The following ADGRA1 variants were observed in gnomAD, a reference collection of about 807,000 sequenced individuals.
ADGRA1 encodes G-protein coupled receptor 123.
Under a neutral mutation model 21.3 loss-of-function variants are expected in ADGRA1, and 12 were observed. The observed-to-expected ratio is 0.56, with a 90% CI of 0.36 to 0.91. The LOEUF (loss-of-function observed/expected upper bound fraction) is 0.91, where lower values mean the gene tolerates loss of function less well. Among genes scored for constraint, ADGRA1 ranks in the 40% least tolerant of loss-of-function variants. ADGRA1 has a pLI of 0.01. For synonymous variants in ADGRA1, 385 were observed against 368.8 expected, an observed-to-expected ratio of 1.04 and a Z score of -0.50; for missense variants, 790 against 805.6, an observed-to-expected ratio of 0.98 and a Z score of 0.23.
intron 5 of ADGRA1, among the ~76,000 whole-genome samples, chr10:133,119,241 A>G (rs1186002901): frequency 5.3e-5 from 7 of 131,290 alleles, no homozygotes; most frequent in Non-Finnish European, 9.6e-5. Context: ...CGGACCTTAC[A>G]GCCACTGGTC....
chr10:133,112,589 TGTCGGTTATTTGGAGTCTACGGGCTAC>T (rs1852066341), intron 5 of ADGRA1, among the ~76,000 whole-genome samples: 2 of 114,120 alleles, frequency 1.8e-5, no homozygotes, highest in South Asian at 3.3e-4. Context: ...CTGCGGGCCG[TGTCGGTTATTTGGAGTCTACGGGCTAC>T]GTCGGTTATT....
rs767797597 is a variant in ADGRA1, at chr10:133,128,701, C to T, written c.873C>T (p.Tyr291=). The change falls in exon 7 of 7, where the codon TAC becomes TAT. Residue 291 remains tyrosine, a synonymous_variant. Coordinates refer to ENST00000392607, the MANE Select transcript of ADGRA1 (RefSeq NM_001083909.3). Reference sequence around the variant, plus strand: ...TGGACATGGTCTTCAGCTGCCTGTACGGCGCCTTCTGCGTGACCCTGGGAC... The same window carrying T: ...TGGACATGGTCTTCAGCTGCCTGTATGGCGCCTTCTGCGTGACCCTGGGAC... The part of the protein sequence containing the change: ...HFLDMVFSCL[Y]GAFCVTLGLF... 43 of 1,611,934 alleles carry T rather than the reference C, an allele frequency of 2.7e-5. No individual in the cohort carries two copies. Among genetic ancestry groups the T allele is most frequent in the Admixed American group, 2.5e-4 (15 of 59,976 alleles).
At chr10:133,114,738 A>G (rs1024522407) in intron 5 of ADGRA1, among the ~76,000 whole-genome samples, 3 of 152,198 alleles carry the variant, frequency 2.0e-5, no homozygotes, top group Admixed American at 2.0e-4. Context: ...AAAGAATGCT[A>G]AGCGGGCCAG....
Position 133,103,564 on chromosome 10 carries a change from T to C in ADGRA1, c.401+722T>C, listed in dbSNP as rs546271214. On this transcript the variant is annotated intron_variant, in intron 5 of 6. Coordinates refer to ENST00000392607, the MANE Select transcript of ADGRA1 (RefSeq NM_001083909.3). ...TGCACCGTGGCCTTTGTGGGAACCATGGGCCTGCCTAGGGGGGCGGACACA... is the reference window on the plus strand; with the variant it reads ...TGCACCGTGGCCTTTGTGGGAACCACGGGCCTGCCTAGGGGGGCGGACACA... Among the ~76,000 whole-genome samples, 9 of 152,320 alleles carry C rather than the reference T, an allele frequency of 5.9e-5. No individual in the cohort carries two copies. In the South Asian group the frequency reaches 1.9e-3, roughly 32 times the overall value.
chr10:133,127,515 C>T (rs1323910268), intron 6 of ADGRA1, among the ~76,000 whole-genome samples, 184 bp downstream of exon 6: 1 of 152,128 alleles, frequency 6.6e-6, no homozygotes, highest in Non-Finnish European at 1.5e-5. Flanking sequence ...AGCGCCCCCT[C>T]CTCTCCCAGG....
At chr10:133,120,450 C>T (rs568901119) in intron 5 of ADGRA1, among the ~76,000 whole-genome samples, 6 of 152,334 alleles carry the variant, frequency 3.9e-5, no homozygotes, top group African/African-American at 7.2e-5. Flanking sequence ...CCTCCCTCAT[C>T]GCTATCTTGG....
At chr10:133,102,054 T>C (rs1323680603) in intron 4 of ADGRA1, among the ~76,000 whole-genome samples, 2 of 152,260 alleles carry the variant, frequency 1.3e-5, no homozygotes, top group African/African-American at 2.4e-5. Flanking sequence ...CATTTCAAAA[T>C]GTCAGGTTAT....
intron 5 of ADGRA1, among the ~76,000 whole-genome samples, chr10:133,110,951 G>A (rs913546825): frequency 1.3e-5 from 2 of 152,158 alleles, no homozygotes; most frequent in Non-Finnish European, 2.9e-5. Context: ...CTGCTCCAAT[G>A]TGAGCACAGC....
chr10:133,106,237 C>T (rs752649353), intron 5 of ADGRA1, among the ~76,000 whole-genome samples: 6 of 152,200 alleles, frequency 3.9e-5, no homozygotes, highest in South Asian at 2.1e-4. Flanking sequence ...TGGGGGGCGC[C>T]GGAGCCCCTG....
intron 5 of ADGRA1, among the ~76,000 whole-genome samples, chr10:133,104,037 C>T (rs1851849513): frequency 1.3e-5 from 2 of 152,230 alleles, no homozygotes; most frequent in South Asian, 4.1e-4. Context: ...TGACCCGGTG[C>T]TGGCGCACGG....
At chr10:133,114,742 G>C (rs1029890678) in intron 5 of ADGRA1, among the ~76,000 whole-genome samples, 2 of 152,148 alleles carry the variant, frequency 1.3e-5, no homozygotes, top group African/African-American at 4.8e-5. Flanking sequence ...AATGCTAAGC[G>C]GGCCAGGGAT....
intron 5 of ADGRA1, among the ~76,000 whole-genome samples, chr10:133,116,749 C>T (rs1852166999): frequency 1.3e-5 from 2 of 152,110 alleles, no homozygotes; most frequent in African/African-American, 2.4e-5. Context: ...TCCTTTTGGC[C>T]GCGCCTCTTT....
At chr10:133,095,892 C>CATCGGGGCAGGAG in intron 2 of ADGRA1, 1 of 1,323,380 alleles carries the variant, frequency 7.6e-7, no homozygotes, top group Non-Finnish European at 1.0e-6. Flanking sequence ...CCTCCTGCCC[C>CATCGGGGCAGGAG]GATGCCCAGG....
intron 5 of ADGRA1, among the ~76,000 whole-genome samples, chr10:133,106,532 C>T (rs946529949): frequency 2.0e-5 from 3 of 151,938 alleles, no homozygotes; most frequent in Non-Finnish European, 1.5e-5. Flanking sequence ...TCCCTGTGGG[C>T]GTCCCCAGCA....
intron 4 of ADGRA1, among the ~76,000 whole-genome samples, chr10:133,101,800 G>A (rs1200010710): frequency 6.6e-6 from 1 of 152,150 alleles, no homozygotes; most frequent in East Asian, 1.9e-4. Flanking sequence ...CCCCCCGGGG[G>A]CTGCTGTGTC....
At chr10:133,092,250 A>G (rs1338863494) in intron 2 of ADGRA1, among the ~76,000 whole-genome samples, 5 of 152,194 alleles carry the variant, frequency 3.3e-5, no homozygotes, top group Non-Finnish European at 7.3e-5. Flanking sequence ...TTTTTAGTCT[A>G]ATATCTAAAT....
chr10:133,112,013 CCA>C lies in ADGRA1; in HGVS notation c.401+9174_401+9175del, dbSNP rs1372866021. Among the ~76,000 whole-genome samples, 134 of 128,406 alleles carry C rather than the reference CCA, an allele frequency of 1.0e-3. 34 individuals are homozygous for C. Among genetic ancestry groups the C allele is most frequent in the Middle Eastern group, 4.1e-3 (1 of 244 alleles). 84.2% of individuals were successfully genotyped at this position (128,406 alleles called of 152,430 possible). On this transcript the variant is annotated intron_variant, in intron 5 of 6. Coordinates refer to ENST00000392607, the MANE Select transcript of ADGRA1 (RefSeq NM_001083909.3). ...CTAATGCCTCCAGACCACCTGCCCA[CCA>C]CAGACACCTCCCTCCTAATGCCTCC...
Position 133,129,130 on chromosome 10 carries a change from C to A in ADGRA1, c.1302C>A (p.Pro434=). The change falls in exon 7 of 7, where the codon CCC becomes CCA. Residue 434 remains proline (P), a synonymous_variant. Coordinates refer to ENST00000392607, the MANE Select transcript of ADGRA1 (RefSeq NM_001083909.3). ...PYFSRHPAEE[P]EYAYHIPSSL... ...TTAGCCGGCACCCAGCAGAGGAGCC[C>A]GAGTACGCCTACCACATCCCATCCA... The A allele has an allele frequency of 6.4e-7, 1 of 1,553,544 alleles. No homozygotes were observed. The highest frequency in any genetic ancestry group is 1.2e-5 in the South Asian group (1 of 84,460).
chr10:133,098,197 C>T (rs894660946), intron 3 of ADGRA1, among the ~76,000 whole-genome samples: 26 of 152,128 alleles, frequency 1.7e-4, no homozygotes, highest in Admixed American at 1.7e-3. Context: ...GCCGGCTCAG[C>T]CCCAGGCTAT....
Sources: gnomAD v4.1 joint callset for allele counts (sites outside exome capture counted in the v4.1 genomes callset) on GRCh38, gnomAD v4.1.1 for gene constraint, MANE v1.5 for transcripts, NCBI Gene and HGNC (gene_info 2026-07-23, HGNC 2026-07-21) for gene names.